Variants in TP53BP1 observed in about 807,000 individuals in gnomAD.
TP53BP1 encodes TP53-binding protein 1.
TP53BP1 carries 61 observed loss-of-function variants against 200.8 expected under a neutral mutation model. The observed-to-expected ratio is 0.30, with a 90% CI of 0.25 to 0.38. The LOEUF is 0.38. Among genes scored for constraint, TP53BP1 ranks in the 10% least tolerant of loss-of-function variants. The pLI is 1.00. For synonymous variants in TP53BP1, 822 were observed against 844.3 expected (o/e 0.97, Z 0.46); for missense variants, 2,144 against 2,371.9 (o/e 0.90, Z 2.00).
In TP53BP1 at chr15:43,407,337, CA is replaced by C; in HGVS notation, c.*45del. 3 of 1,570,164 alleles carry C rather than the reference CA, an allele frequency of 1.9e-6. No homozygotes were observed. The highest frequency in any genetic ancestry group is 2.6e-6 in the Non-Finnish European group (3 of 1,145,354). On this transcript the variant is annotated 3_prime_UTR_variant, in exon 28 of 28. Coordinates refer to ENST00000382044, the MANE Select transcript of TP53BP1 (RefSeq NM_001141980.3). ...ACACATTTAAAACCTGGTTAAAACA[CA>C]ATCTCCACGATAGCAGGGAATAAAA...
intron 18 of TP53BP1, among the ~76,000 whole-genome samples, chr15:43,426,626 A>G (rs1162173660): frequency 2.0e-5 from 3 of 152,030 alleles, no homozygotes; most frequent in African/African-American, 7.2e-5. Flanking sequence ...CTATTTAATA[A>G]AACTATACAC....
chr15:43,492,056 G>T lies in TP53BP1; in HGVS notation c.232C>A (p.Arg78=). 6.2e-7 allele frequency: 1 copy of T among 1,613,906 alleles called. No individual in the cohort carries two copies. The highest frequency in any genetic ancestry group is 8.5e-7 in the Non-Finnish European group (1 of 1,179,900). ...TTGAACCCACTATTACCGTCTCCTC[G>T]TTCTTCTCCAGCTGTTTGTTCAGGA... ...SNPEQTAGEE[R]GDGNSGFNEH... The change falls in exon 3 of 28, where the codon CGA becomes AGA. Residue 78 remains arginine, a synonymous_variant. Coordinates refer to ENST00000382044, the MANE Select transcript of TP53BP1 (RefSeq NM_001141980.3).
At chr15:43,502,316 T>A (rs1315592454) in intron 1 of TP53BP1, among the ~76,000 whole-genome samples, 1 of 152,160 alleles carries the variant, frequency 6.6e-6, no homozygotes, top group Non-Finnish European at 1.5e-5. Flanking sequence ...ACAGCAAGAC[T>A]ATGTCTCTTA....
In TP53BP1 at chr15:43,493,154, C is replaced by A; in HGVS notation, c.-111G>T. On this transcript the variant is annotated 5_prime_UTR_variant, in exon 1 of 28. Transcript: ENST00000382044. Reference sequence around the variant, plus strand: ...CGCCACCGCCGCCACCGGCCGCGAACTCCCCCTTTCCCGTCACGTCACACA... The same window carrying A: ...CGCCACCGCCGCCACCGGCCGCGAAATCCCCCTTTCCCGTCACGTCACACA... 1 of 1,558,660 alleles carries A rather than the reference C, an allele frequency of 6.4e-7. No individual in the cohort carries two copies. Among genetic ancestry groups the A allele is most frequent in the Non-Finnish European group, 8.6e-7 (1 of 1,158,286 alleles).
intron 24 of TP53BP1, among the ~76,000 whole-genome samples, chr15:43,411,285 A>G (rs1357469065): frequency 6.6e-6 from 1 of 152,224 alleles, no homozygotes; most frequent in Non-Finnish European, 1.5e-5. Context: ...GCTAAAATGA[A>G]TAGGTTGTTA....
rs370738468 is a variant in TP53BP1, at chr15:43,410,802, G to A, written c.5306-1061C>T. Among the ~76,000 whole-genome samples, 32 of 152,166 alleles carry A rather than the reference G, an allele frequency of 2.1e-4. No individual in the cohort carries two copies. The East Asian group carries it at 2.7e-3, about 13-fold the overall frequency. On this transcript the variant is annotated intron_variant, in intron 24 of 27. Coordinates refer to ENST00000382044, the MANE Select transcript of TP53BP1 (RefSeq NM_001141980.3). ...TGTCTGCTGGAGGAGCTCAGGCACC[G>A]CCGAGGCCCCAGGTCAGGGGTCTCC...
At chr15:43,441,626 G>C in intron 14 of TP53BP1, 43 bp from the exon 15 acceptor site, 3 of 1,403,462 alleles carry the variant, frequency 2.1e-6, no homozygotes, top group Non-Finnish European at 3.0e-6. Flanking sequence ...AAGAGAAACA[G>C]AATTTAGTTA....
At chr15:43,444,690 T>C (rs988541612) in intron 14 of TP53BP1, among the ~76,000 whole-genome samples, 1 of 152,198 alleles carries the variant, frequency 6.6e-6, no homozygotes. Flanking sequence ...GCTATACATG[T>C]GAAGTACCTG....
intron 18 of TP53BP1, among the ~76,000 whole-genome samples, chr15:43,423,609 G>T (rs1308455982): frequency 6.6e-6 from 1 of 150,426 alleles, no homozygotes; most frequent in African/African-American, 2.5e-5. Context: ...AGTGAGCTAA[G>T]ATTGTGCCAC....
intron 11 of TP53BP1, among the ~76,000 whole-genome samples, chr15:43,464,693 C>T (rs1028294491): frequency 1.3e-5 from 2 of 151,950 alleles, no homozygotes; most frequent in East Asian, 1.9e-4. Flanking sequence ...CACCTGAGGT[C>T]GGGAGTTCAA....
intron 8 of TP53BP1, 66 bp from the exon 9 acceptor site, chr15:43,475,760 G>A (rs958834519): frequency 4.6e-5 from 71 of 1,558,206 alleles, no homozygotes; most frequent in Admixed American, 1.3e-4. Flanking sequence ...AAACCATTCA[G>A]TACTGCAAAG....
chr15:43,447,449 T>A lies in TP53BP1; in HGVS notation c.2753A>T (p.Asp918Val). The change falls in exon 13 of 28, where the codon GAT becomes GTT. Residue 918 changes from aspartate (D) to valine (V), a missense_variant. This residue lies in a region of TP53BP1 where 1,700 missense variants were observed against 1,710.3 expected (regional missense o/e 0.99). Coordinates refer to ENST00000382044, the MANE Select transcript of TP53BP1 (RefSeq NM_001141980.3). ...TGCACCAGTCAATGGTGGGATGATA[T>A]CACCTTCTTTAGGCAAAGTGAAATG... ...PFHFTLPKEG[D>V]IIPPLTGATP... 2 of 1,546,364 alleles carry A rather than the reference T, an allele frequency of 1.3e-6. No individual in the cohort carries two copies. Among genetic ancestry groups the A allele is most frequent in the Non-Finnish European group, 1.7e-6 (2 of 1,154,570 alleles).
chr15:43,422,210 G>T, intron 18 of TP53BP1, 84 bp from the exon 19 acceptor site: 2 of 1,428,804 alleles, frequency 1.4e-6, no homozygotes, highest in Non-Finnish European at 1.9e-6. Flanking sequence ...CCTACAGATG[G>T]CACAAAATTA....
chr15:43,432,519 G>A lies in TP53BP1; in HGVS notation c.3350C>T (p.Pro1117Leu), dbSNP rs139141876. ...CATTGCCTCTCCTTGAGGACTGGATGGCCCTTGTATGACCATCTTCTGGGA... is the reference window on the plus strand; with the variant it reads ...CATTGCCTCTCCTTGAGGACTGGATAGCCCTTGTATGACCATCTTCTGGGA... ...PASQKMVIQGPSSPQGEAMVT... is the reference protein window; with the variant it reads ...PASQKMVIQGLSSPQGEAMVT... Residue 1117 changes from proline (P) to leucine (L), a missense_variant, in exon 17 of 28, where the codon CCA becomes CTA. Pro to Leu is a moderately conservative substitution (Grantham distance 98, BLOSUM62 -3). Coordinates refer to ENST00000382044, the MANE Select transcript of TP53BP1 (RefSeq NM_001141980.3). 29 of 1,614,134 alleles carry A rather than the reference G, an allele frequency of 1.8e-5. No individual in the cohort carries two copies. The highest frequency in any genetic ancestry group is 2.7e-5 in the African/African-American group (2 of 75,024).
At chr15:43,414,491 A>G (rs888456010) in intron 23 of TP53BP1, among the ~76,000 whole-genome samples, 5 of 152,192 alleles carry the variant, frequency 3.3e-5, no homozygotes, top group African/African-American at 1.2e-4. Flanking sequence ...GTAACAATCA[A>G]TGGAGTTTCA....
intron 18 of TP53BP1, among the ~76,000 whole-genome samples, chr15:43,426,618 A>G (rs547251835): frequency 1.3e-5 from 2 of 152,194 alleles, no homozygotes; most frequent in African/African-American, 4.8e-5. Flanking sequence ...AATATGTTCT[A>G]TTTAATAAAA....
chr15:43,446,344 T>C, intron 14 of TP53BP1, 43 bp downstream of exon 14: 1 of 1,450,018 alleles, frequency 6.9e-7, no homozygotes, highest in Non-Finnish European at 9.7e-7. Flanking sequence ...ACTCCCCAGA[T>C]AATCTGCAGC....
At position 43,493,114 on chromosome 15, in the gene TP53BP1, C is replaced by T; in HGVS notation, c.-71G>A. On this transcript the variant is annotated 5_prime_UTR_variant, in exon 1 of 28. Transcript: ENST00000382044. Reference sequence around the variant, plus strand: ...TCCCCAAGTCCCTCCAGATCGATCCCTAGGTCGCCGCTGTCGCCACCGCCG... The same window carrying T: ...TCCCCAAGTCCCTCCAGATCGATCCTTAGGTCGCCGCTGTCGCCACCGCCG... The T allele has an allele frequency of 1.1e-5, 17 of 1,601,336 alleles. No homozygotes were observed. The highest frequency in any genetic ancestry group is 1.4e-5 in the Non-Finnish European group (17 of 1,176,276).
At position 43,435,958 on chromosome 15, in the gene TP53BP1, A is replaced by C. The variant is rs184363461; in HGVS notation, c.3191+2366T>G. Reference sequence around the variant, plus strand: ...TGGTCACCCCTCCTCAGCCTCTCAAAGTGCTGGGATTACAGGTGTGAGCCA... The same window carrying C: ...TGGTCACCCCTCCTCAGCCTCTCAACGTGCTGGGATTACAGGTGTGAGCCA... On this transcript the variant is annotated intron_variant, in intron 16 of 27. Transcript: ENST00000382044. Among the ~76,000 whole-genome samples the C allele has an allele frequency of 4.5e-4, 69 of 151,846 alleles. 1 individual carries two copies. The South Asian group carries it at 0.011, about 24-fold the overall frequency.
Sources: gnomAD v4.1 joint callset for allele counts (sites outside exome capture counted in the v4.1 genomes callset) on GRCh38, gnomAD v4.1.1 for gene constraint, gnomAD v4.1.1 regional missense constraint, MANE v1.5 for transcripts, NCBI Gene and HGNC (gene_info 2026-07-23, HGNC 2026-07-21) for gene names.